Variants in CNOT8 observed in about 807,000 individuals in gnomAD.
The protein encoded by CNOT8 is CCR4-NOT transcription complex subunit 8.
In CNOT8, 18 loss-of-function variants were observed where a neutral mutation model predicts 34.6. That is an observed-to-expected ratio of 0.52 (90% confidence interval 0.36 to 0.77). The LOEUF (loss-of-function observed/expected upper bound fraction) is 0.77, where lower values mean the gene tolerates loss of function less well. CNOT8 is among the 30% of genes least tolerant of loss of function. The probability of loss-of-function intolerance (pLI) is 0.00; values close to 1 mark genes in which losing one functional copy is unlikely to be tolerated. For synonymous variants in CNOT8, 101 were observed against 118.8 expected (o/e 0.85, Z 0.98); for missense variants, 189 against 347.9 (o/e 0.54, Z 3.63).
intron 3 of CNOT8, among the ~76,000 whole-genome samples, chr5:154,865,993 A>G (rs1424518141): frequency 1.3e-5 from 2 of 152,044 alleles, no homozygotes; most frequent in African/African-American, 2.4e-5. Context: ...GTGTGCAAAT[A>G]TTTCTTCAAG....
In CNOT8 at chr5:154,865,267, C is replaced by T. The variant is rs1761760783; in HGVS notation, c.193C>T (p.Leu65=). 6.2e-7 allele frequency: 1 copy of T among 1,613,034 alleles called. No homozygotes were observed. Among genetic ancestry groups the T allele is most frequent in the Non-Finnish European group, 8.5e-7 (1 of 1,179,812 alleles). ...RSSIDYQYQL[L]RCNVDLLKII... ...TTCCATAGATTACCAATATCAGCTT[C>T]TGCGGTGCAATGTTGACCTTTTAAA... is the stretch of plus-strand genomic sequence containing the variant. The change falls in exon 3 of 7, where the codon CTG becomes TTG. Residue 65 remains leucine, a synonymous_variant. Transcript: ENST00000285896.
Position 154,875,473 on chromosome 5 carries a change from A to C in CNOT8, c.*34A>C. ...GGCTCTGCAGGGTGGGCCTGATCCCAGAGTGGTGCTTACTGTGCTGACTGT... is the reference window on the plus strand; with the variant it reads ...GGCTCTGCAGGGTGGGCCTGATCCCCGAGTGGTGCTTACTGTGCTGACTGT... On this transcript the variant is annotated 3_prime_UTR_variant, in exon 7 of 7. Coordinates refer to ENST00000285896, the MANE Select transcript of CNOT8 (RefSeq NM_001301073.2). 6.2e-7 allele frequency: 1 copy of C among 1,609,594 alleles called. No homozygotes were observed. Among genetic ancestry groups the C allele is most frequent in the Non-Finnish European group, 8.5e-7 (1 of 1,178,778 alleles).
intron 3 of CNOT8, 70 bp downstream of exon 3, chr5:154,865,455 A>G: frequency 9.1e-7 from 1 of 1,094,804 alleles, no homozygotes; most frequent in Non-Finnish European, 1.3e-6. Context: ...GGTGTTGGAT[A>G]GAGCGGTCAA....
intron 2 of CNOT8, among the ~76,000 whole-genome samples, chr5:154,864,383 G>T (rs891696946): frequency 6.6e-6 from 1 of 151,952 alleles, no homozygotes; most frequent in Non-Finnish European, 1.5e-5. Context: ...GCGTGAACCC[G>T]GGAGGCAGAG....
intron 3 of CNOT8, 42 bp from the exon 4 acceptor site, chr5:154,870,619 T>A: frequency 6.5e-7 from 1 of 1,542,246 alleles, no homozygotes; most frequent in Non-Finnish European, 8.9e-7. Context: ...CTACTTCTGT[T>A]TCATTATTCA....
chr5:154,871,081 AG>A (rs1762442548), intron 4 of CNOT8, among the ~76,000 whole-genome samples: 1 of 152,040 alleles, frequency 6.6e-6, no homozygotes, highest in African/African-American at 2.4e-5. Context: ...GTGGGTGTAG[AG>A]GGTCACAGTA....
Position 154,875,597 on chromosome 5 carries a change from GT to G in CNOT8, c.*163del. 1.3e-6 allele frequency: 1 copy of G among 786,086 alleles called. No individual in the cohort carries two copies. The highest frequency in any genetic ancestry group is 1.9e-6 in the Non-Finnish European group (1 of 520,892). 48.7% of individuals were successfully genotyped at this position (786,086 alleles called of 1,614,324 possible). On this transcript the variant is annotated 3_prime_UTR_variant, in exon 7 of 7. Coordinates refer to ENST00000285896, the MANE Select transcript of CNOT8 (RefSeq NM_001301073.2). ...TTTTGTTTTACTGAAGACAAAAGAT[GT>G]TTTTATTTTAGACCCAGAAGAGAGG...
At chr5:154,872,369 G>C (rs569820952) in intron 5 of CNOT8, among the ~76,000 whole-genome samples, 172 bp from the exon 6 acceptor site, 1 of 152,158 alleles carries the variant, frequency 6.6e-6, no homozygotes, top group Non-Finnish European at 1.5e-5. Context: ...GCACAATATA[G>C]CGTCTGGAAA....
intron 2 of CNOT8, among the ~76,000 whole-genome samples, 159 bp downstream of exon 2, chr5:154,863,554 C>T (rs1478858781): frequency 1.3e-5 from 2 of 152,196 alleles, no homozygotes; most frequent in African/African-American, 4.8e-5. Context: ...CTCACCTTTC[C>T]AGGTTGCTGG....
intron 3 of CNOT8, among the ~76,000 whole-genome samples, chr5:154,868,263 C>CTTTTTTT (rs200482243): frequency 8.6e-5 from 11 of 127,256 alleles, no homozygotes; most frequent in African/African-American, 1.9e-4. Flanking sequence ...TTTTTCTTTT[C>CTTTTTTT]TTTTCTTTTT....
chr5:154,874,687 C>G (rs1762784925), intron 6 of CNOT8, among the ~76,000 whole-genome samples: 2 of 151,616 alleles, frequency 1.3e-5, no homozygotes, highest in Non-Finnish European at 2.9e-5. Flanking sequence ...GTGCCTGCCA[C>G]CACGCCTGGC....
At chr5:154,861,012 T>C (rs1246735720) in intron 1 of CNOT8, among the ~76,000 whole-genome samples, 1 of 152,202 alleles carries the variant, frequency 6.6e-6, no homozygotes, top group East Asian at 1.9e-4. Context: ...GTTATGGTTA[T>C]GTTTGAAATG....
chr5:154,859,344 CT>C (rs1761102661), intron 1 of CNOT8: 1 of 152,150 alleles, frequency 6.6e-6, no homozygotes, highest in Non-Finnish European at 1.5e-5. Context: ...ATCGCCGCCT[CT>C]TCCTTAGTTC....
At chr5:154,870,001 G>C (rs1193118666) in intron 3 of CNOT8, among the ~76,000 whole-genome samples, 2 of 152,080 alleles carry the variant, frequency 1.3e-5, no homozygotes, top group Admixed American at 1.3e-4. Flanking sequence ...CAAGTGATCT[G>C]CCTGTCTCAG....
chr5:154,870,249 T>G (rs979587506), intron 3 of CNOT8, among the ~76,000 whole-genome samples: 5 of 144,514 alleles, frequency 3.5e-5, no homozygotes, highest in African/African-American at 1.1e-4. Flanking sequence ...GTTTTTTTTT[T>G]GTTTGTTTTG....
At chr5:154,864,687 A>T (rs745631819) in intron 2 of CNOT8, among the ~76,000 whole-genome samples, 2 of 152,182 alleles carry the variant, frequency 1.3e-5, no homozygotes, top group Non-Finnish European at 2.9e-5. Flanking sequence ...CTGCTTATTT[A>T]GGATCAAGTT....
intron 3 of CNOT8, among the ~76,000 whole-genome samples, chr5:154,866,033 C>T (rs1761831471): frequency 6.6e-6 from 1 of 152,086 alleles, no homozygotes; most frequent in African/African-American, 2.4e-5. Flanking sequence ...TGGATGTATG[C>T]CCAGGAATTT....
At chr5:154,858,401 C>G (rs1341407282), upstream of CNOT8, 1 of 152,270 alleles carries the variant, frequency 6.6e-6, no homozygotes. Flanking sequence ...ACTTCTGCTC[C>G]TGCGCGCTGC....
intron 2 of CNOT8, among the ~76,000 whole-genome samples, chr5:154,864,231 C>T (rs575442966): frequency 9.9e-5 from 15 of 152,258 alleles, no homozygotes; most frequent in African/African-American, 1.7e-4. Context: ...GAGGCCGAGA[C>T]GGGCGGATCA....
Sources: gnomAD v4.1 joint callset for allele counts (sites outside exome capture counted in the v4.1 genomes callset) on GRCh38, gnomAD v4.1.1 for gene constraint, MANE v1.5 for transcripts, NCBI Gene and HGNC (gene_info 2026-07-23, HGNC 2026-07-21) for gene names.